TMEM151B: variants seen among roughly 807,000 people sequenced by gnomAD.
TMEM151B encodes the protein transmembrane protein 193.
A neutral mutation model predicts 33.0 loss-of-function variants in TMEM151B; 18 were observed. The observed-to-expected ratio is 0.55, with a 90% CI of 0.38 to 0.81. TMEM151B has a LOEUF of 0.81. Ranked by LOEUF, TMEM151B falls within the 30% of genes least tolerant of loss-of-function variation. The pLI is 0.00. For missense variants in TMEM151B, 672 were observed against 843.4 expected, an observed-to-expected ratio of 0.80 and a Z score of 2.52; for synonymous variants, 354 against 373.6, an observed-to-expected ratio of 0.95 and a Z score of 0.61.
At position 44,270,715 on chromosome 6, in the gene TMEM151B, C is replaced by T; in HGVS notation, c.-28C>T. The stretch of plus-strand genomic sequence containing the variant: ...GGCCCCTGGCAGCCCCCCGGGAGGT[C>T]CTGAGCTCGACGCGCCCCCTCTACG... On this transcript the variant is annotated 5_prime_UTR_variant, in exon 1 of 3. Transcript: ENST00000451188. The T allele has an allele frequency of 2.0e-6, 2 of 1,007,704 alleles. No individual in the cohort carries two copies. Among genetic ancestry groups the T allele is most frequent in the Admixed American group, 5.0e-5 (1 of 19,936 alleles). 62.4% of individuals were successfully genotyped at this position (1,007,704 alleles called of 1,614,324 possible). A position where few individuals can be genotyped will look rare whatever the true frequency, so the allele number is the denominator to read the frequency against.
chr6:44,275,960 C>T lies in TMEM151B; in HGVS notation c.1134C>T (p.Arg378=), dbSNP rs913148798. Residue 378 remains arginine (R), a synonymous_variant, in exon 3 of 3, where the codon CGC becomes CGT. Transcript: ENST00000451188. ...VDSTELEWHI[R]SNQQLVPSYS... is the part of the protein sequence containing the mutation. ...GCACGGAGCTCGAGTGGCACATCCGCTCCAACCAGCAGCTGGTGCCCAGCT... is the reference window on the plus strand; with the variant it reads ...GCACGGAGCTCGAGTGGCACATCCGTTCCAACCAGCAGCTGGTGCCCAGCT... The T allele has an allele frequency of 1.2e-5, 18 of 1,467,770 alleles. No individual in the cohort carries two copies. The highest frequency in any genetic ancestry group is 1.4e-5 in the Non-Finnish European group (16 of 1,105,476). The allele number at this position is 1,467,770 out of a possible 1,614,324, so 90.9% of individuals were successfully genotyped here.
Position 44,270,734 on chromosome 6 carries a change from C to G in TMEM151B, c.-9C>G. Reference sequence around the variant, plus strand: ...GGAGGTCCTGAGCTCGACGCGCCCCCTCTACGCCATGTCCCCCCCTGGCTC... The same window carrying G: ...GGAGGTCCTGAGCTCGACGCGCCCCGTCTACGCCATGTCCCCCCCTGGCTC... On this transcript the variant is annotated 5_prime_UTR_variant, in exon 1 of 3. Coordinates refer to ENST00000451188, the MANE Select transcript of TMEM151B (RefSeq NM_001137560.2). The G allele has an allele frequency of 1.8e-6, 2 of 1,086,390 alleles. No homozygotes were observed. The highest frequency in any genetic ancestry group is 2.3e-6 in the Non-Finnish European group (2 of 884,286). The allele number at this position is 1,086,390 out of a possible 1,614,324, so 67.3% of individuals were successfully genotyped here. A position where few individuals can be genotyped will look rare whatever the true frequency, so the allele number is the denominator to read the frequency against.
chr6:44,276,199 G>T lies in TMEM151B; in HGVS notation c.1373G>T (p.Arg458Leu). ...RSALSICASP[R>L]AGPGPGGGAG... is the part of the protein sequence containing the mutation. ...GCCCTAAGCATCTGCGCCAGCCCGC[G>T]GGCCGGCCCGGGGCCCGGTGGGGGC... is the stretch of plus-strand genomic sequence containing the variant. Residue 458 changes from arginine (R) to leucine (L), a missense_variant, in exon 3 of 3, where the codon CGG becomes CTG. Arg to Leu is a moderately radical substitution (Grantham distance 102). Coordinates refer to ENST00000451188, the MANE Select transcript of TMEM151B (RefSeq NM_001137560.2). 9 of 1,287,708 alleles carry T rather than the reference G, an allele frequency of 7.0e-6. No homozygotes were observed. Among genetic ancestry groups the T allele is most frequent in the Non-Finnish European group, 8.8e-6 (9 of 1,021,756 alleles). The allele number at this position is 1,287,708 out of a possible 1,614,324, so 79.8% of individuals were successfully genotyped here.
chr6:44,278,824 A>G lies in TMEM151B; in HGVS notation c.*2297A>G, dbSNP rs1782694139. On this transcript the variant is annotated 3_prime_UTR_variant, in exon 3 of 3. Transcript: ENST00000451188. ...TCTCTAAAATTAAACTTTACACTGAATGTTCTTGTTTCTCTAATTAGAACT... is the reference window on the plus strand; with the variant it reads ...TCTCTAAAATTAAACTTTACACTGAGTGTTCTTGTTTCTCTAATTAGAACT... 6.6e-6 allele frequency: 1 copy of G among 152,006 alleles called. No individual in the cohort carries two copies. The highest frequency in any genetic ancestry group is 6.6e-5 in the Admixed American group (1 of 15,258). The allele number at this position is 152,006 out of a possible 1,614,324, so 9.4% of individuals were successfully genotyped here.
At chr6:44,271,372 G>GT (rs1782343386) in intron 1 of TMEM151B, among the ~76,000 whole-genome samples, 1 of 119,692 alleles carries the variant, frequency 8.4e-6, no homozygotes, top group African/African-American at 3.3e-5. Flanking sequence ...TGTGTGTGGG[G>GT]GGGGGTGTGC....
intron 1 of TMEM151B, among the ~76,000 whole-genome samples, chr6:44,271,228 G>A (rs1211844581): frequency 6.6e-6 from 1 of 151,946 alleles, no homozygotes; most frequent in Non-Finnish European, 1.5e-5. Flanking sequence ...TTGAAGGCCA[G>A]GAAGGGCGGC....
chr6:44,275,849 C>T lies in TMEM151B; in HGVS notation c.1023C>T (p.Ala341=), dbSNP rs3734711. The change falls in exon 3 of 3, where the codon GCC becomes GCT. Residue 341 remains alanine (A), a synonymous_variant. Coordinates refer to ENST00000451188, the MANE Select transcript of TMEM151B (RefSeq NM_001137560.2). ...TTGGCCTGGAGGGCCCGGGCTCGGC[C>T]AGCAGCGCAGGCGGTGGCCTCAGCC... ...KLFGLEGPGS[A]SSAGGGLSPS... The T allele has an allele frequency of 5.9e-4, 909 of 1,541,918 alleles. 12 individuals are homozygous for T. The East Asian group carries it at 0.021, about 36-fold the overall frequency.
intron 1 of TMEM151B, among the ~76,000 whole-genome samples, chr6:44,271,880 T>TTG (rs58355560): frequency 0.05 from 7,356 of 148,088 alleles, 226 homozygotes; most frequent in Middle Eastern, 0.072. Flanking sequence ...CAGCAGGAGG[T>TTG]TGTGTGTGTG....
Position 44,276,227 on chromosome 6 carries a change from G to T in TMEM151B, c.1401G>T (p.Ala467=), listed in dbSNP as rs1782582630. Residue 467 remains alanine (A), a synonymous_variant, in exon 3 of 3, where the codon GCG becomes GCT. Transcript: ENST00000451188. ...PRAGPGPGGG[A]GCGGSRFSLG... ...CCGGCCCGGGGCCCGGTGGGGGCGC[G>T]GGCTGCGGGGGCAGCCGCTTCTCGC... The T allele has an allele frequency of 4.6e-6, 6 of 1,292,420 alleles. No homozygotes were observed. The highest frequency in any genetic ancestry group is 4.9e-6 in the Non-Finnish European group (5 of 1,023,562). 80.1% of individuals were successfully genotyped at this position (1,292,420 alleles called of 1,614,324 possible). A position where few individuals can be genotyped will look rare whatever the true frequency, so the allele number is the denominator to read the frequency against.
rs1176251521 is a variant in TMEM151B, at chr6:44,277,729, CT to C, written c.*1204del. ...CTAAATCTTGCCCAACCCTTCCATC[CT>C]TCCCTATCCTATGAGCTGAAGCCCT... On this transcript the variant is annotated 3_prime_UTR_variant, in exon 3 of 3. Coordinates refer to ENST00000451188, the MANE Select transcript of TMEM151B (RefSeq NM_001137560.2). 3 of 152,188 alleles carry C rather than the reference CT, an allele frequency of 2.0e-5. No homozygotes were observed. Among genetic ancestry groups the C allele is most frequent in the Non-Finnish European group, 2.9e-5 (2 of 68,032 alleles). The allele number at this position is 152,188 out of a possible 1,614,324, so 9.4% of individuals were successfully genotyped here.
At chr6:44,273,539 A>G in intron 2 of TMEM151B, 33 bp downstream of exon 2, 2 of 1,510,060 alleles carry the variant, frequency 1.3e-6, no homozygotes, top group African/African-American at 1.4e-5. Flanking sequence ...AGGACATTCA[A>G]CATGGGAGGT....
chr6:44,275,396 G>A lies in TMEM151B; in HGVS notation c.577-7G>A, dbSNP rs1415539964. 2.7e-6 allele frequency: 4 copies of A among 1,491,828 alleles called. No individual in the cohort carries two copies. The highest frequency in any genetic ancestry group is 3.6e-6 in the Non-Finnish European group (4 of 1,117,200). 92.4% of individuals were successfully genotyped at this position (1,491,828 alleles called of 1,614,324 possible). On this transcript the variant is annotated splice_region_variant and splice_polypyrimidine_tract_variant and intron_variant, in intron 2 of 2. Transcript: ENST00000451188. Reference sequence around the variant, plus strand: ...CGCGACCCCGCCGCCTGCCCCCCGCGCCGCAGGTCTACCACGAACGCGTCA... The same window carrying A: ...CGCGACCCCGCCGCCTGCCCCCCGCACCGCAGGTCTACCACGAACGCGTCA...
At position 44,273,377 on chromosome 6, in the gene TMEM151B, G is replaced by A. The variant is rs1196671397; in HGVS notation, c.447G>A (p.Val149=). The change falls in exon 2 of 3, where the codon GTG becomes GTA. Residue 149 remains valine, a synonymous_variant. Coordinates refer to ENST00000451188, the MANE Select transcript of TMEM151B (RefSeq NM_001137560.2). ...ELQHRVDVSS[V]RERVGRMQQA... ...AGCACCGTGTTGATGTGAGCAGTGTGCGGGAACGTGTGGGCCGCATGCAGC... is the reference window on the plus strand; with the variant it reads ...AGCACCGTGTTGATGTGAGCAGTGTACGGGAACGTGTGGGCCGCATGCAGC... 1 of 1,551,440 alleles carries A rather than the reference G, an allele frequency of 6.4e-7. No homozygotes were observed. The highest frequency in any genetic ancestry group is 8.7e-7 in the Non-Finnish European group (1 of 1,147,000).
chr6:44,275,117 CAAAAAA>C lies in TMEM151B; in HGVS notation c.577-272_577-267del, dbSNP rs55699643. ...TGGGCGACAGAGCCAGACTCCATCTCAAAAAAAAAAAAAAAAAAAGAAAAAGAAAAA... is the reference window on the plus strand; with the variant it reads ...TGGGCGACAGAGCCAGACTCCATCTCAAAAAAAAAAAAAGAAAAAGAAAAA... On this transcript the variant is annotated intron_variant, in intron 2 of 2. Transcript: ENST00000451188. 4.3e-3 allele frequency among the ~76,000 whole-genome samples: 481 copies of C among 111,804 alleles called. 3 individuals carry two copies. The highest frequency in any genetic ancestry group is 0.016 in the African/African-American group (454 of 28,428). The allele number at this position is 111,804 out of a possible 152,430, so 73.3% of individuals were successfully genotyped here.
rs1388629719 is a variant in TMEM151B at position 44,275,657 on chromosome 6, C to T, written c.831C>T (p.Asn277=). The T allele has an allele frequency of 3.2e-6, 5 of 1,551,126 alleles. No homozygotes were observed. In the Admixed American group the frequency reaches 7.8e-5, roughly 24 times the overall value. The change falls in exon 3 of 3, where the codon AAC becomes AAT. Residue 277 remains asparagine (N), a synonymous_variant. Transcript: ENST00000451188. The part of the protein sequence containing the change: ...MEAREGMHLK[N]VDFREFMVAF... Reference sequence around the variant, plus strand: ...CACGCGAGGGCATGCACCTCAAGAACGTGGACTTCCGTGAGTTCATGGTGG... The same window carrying T: ...CACGCGAGGGCATGCACCTCAAGAATGTGGACTTCCGTGAGTTCATGGTGG...
chr6:44,271,023 GC>G, intron 1 of TMEM151B, 146 bp downstream of exon 1: 1 of 493,600 alleles, frequency 2.0e-6, no homozygotes, highest in Non-Finnish European at 2.6e-6. Flanking sequence ...CCGCGCCGCC[GC>G]CCCCACCCGG....
rs770969070 is a variant in TMEM151B, at chr6:44,273,414, T to G, written c.484T>G (p.Cys162Gly). Residue 162 changes from cysteine (C) to glycine (G), a missense_variant, in exon 2 of 3, where the codon TGC becomes GGC. Transcript: ENST00000451188. ...GGGCCGCATGCAGCAAGCCACGCCC[T>G]GCATCTGGTGGAAGGCCATCAGCTA... The part of the protein sequence containing the change: ...RVGRMQQATP[C>G]IWWKAISYHY... The G allele has an allele frequency of 1.9e-5, 30 of 1,551,120 alleles. No homozygotes were observed. The highest frequency in any genetic ancestry group is 2.4e-5 in the Non-Finnish European group (28 of 1,146,988).
chr6:44,274,844 G>A (rs1410583365), intron 2 of TMEM151B, among the ~76,000 whole-genome samples: 2 of 152,120 alleles, frequency 1.3e-5, no homozygotes, highest in Non-Finnish European at 2.9e-5. Flanking sequence ...CGCGGCCGGG[G>A]GCGGTGGCTC....
chr6:44,276,549 G>T lies in TMEM151B; in HGVS notation c.*22G>T, dbSNP rs1359891980. On this transcript the variant is annotated 3_prime_UTR_variant, in exon 3 of 3. Coordinates refer to ENST00000451188, the MANE Select transcript of TMEM151B (RefSeq NM_001137560.2). ...GTGACCTCCGGCCCCGGAGTGGCCC[G>T]CGCCGTCCTCCCGCCTGCCCCTCGC... 7.5e-7 allele frequency: 1 copy of T among 1,333,454 alleles called. No homozygotes were observed. The highest frequency in any genetic ancestry group is 1.8e-5 in the South Asian group (1 of 54,670). The allele number at this position is 1,333,454 out of a possible 1,614,324, so 82.6% of individuals were successfully genotyped here.
Sources: gnomAD v4.1 joint callset for allele counts (sites outside exome capture counted in the v4.1 genomes callset) on GRCh38, gnomAD v4.1.1 for gene constraint, MANE v1.5 for transcripts, NCBI Gene and HGNC (gene_info 2026-07-23, HGNC 2026-07-21) for gene names.